Variants in SERPINA7 observed in about 807,000 individuals in gnomAD.
The protein encoded by SERPINA7 is thyroxine-binding globulin.
A neutral mutation model predicts 16.0 loss-of-function variants in SERPINA7; 14 were observed. The ratio of observed to expected loss-of-function variants is 0.88; its 90% CI spans 0.58 to 1.37. SERPINA7 has a LOEUF of 1.37. SERPINA7 is among the 40% of genes most tolerant of loss of function. SERPINA7 has a pLI of 0.00. For missense variants in SERPINA7, 335 were observed against 296.6 expected (o/e 1.13, Z -0.95); for synonymous variants, 140 against 111.0 (o/e 1.26, Z -1.65).
At chrX:106,037,291 C>A in intron 1 of SERPINA7, 1 of 396,407 alleles carries the variant, frequency 2.5e-6, no homozygotes. Context: ...CTTGCTGCAA[C>A]CACGGAAATA....
chrX:106,036,848 CA>C lies in SERPINA7; in HGVS notation c.210del (p.Val71Ter). The C allele has an allele frequency of 2.5e-6, 3 of 1,210,996 alleles. No homozygotes were observed. The highest frequency in any genetic ancestry group is 2.2e-6 in the Non-Finnish European group (2 of 895,231). ...ETPDKNIFFS[P>X]VSISAALVML... ...ATAACCAAAGCTGCAGAAATGCTCACAGGGGAAAAGAAGATGTTCTTATCTG... is the reference window on the plus strand; with the variant it reads ...ATAACCAAAGCTGCAGAAATGCTCACGGGGAAAAGAAGATGTTCTTATCTG... On this transcript the variant is annotated frameshift_variant, in exon 2 of 5. Coordinates refer to ENST00000372563, the MANE Select transcript of SERPINA7 (RefSeq NM_000354.6). LOFTEE classifies it high-confidence loss of function.
rs769618254 is a variant in SERPINA7, at chrX:106,036,723, G to T, written c.336C>A (p.Phe112Leu). Residue 112 changes from phenylalanine (F) to leucine (L), a missense_variant, in exon 2 of 5, where the codon TTC becomes TTA. Phe to Leu is a conservative substitution (Grantham distance 22). Coordinates refer to ENST00000372563, the MANE Select transcript of SERPINA7 (RefSeq NM_000354.6). ...AATTCAGTGAACAGATCAGATGCTG[G>T]AAGCCATGCTGGATCTCTACCATTG... ...DTPMVEIQHG[F>L]QHLICSLNFP... 2 of 1,209,124 alleles carry T rather than the reference G, an allele frequency of 1.7e-6. No homozygotes were observed. Among genetic ancestry groups the T allele is most frequent in the Admixed American group, 2.2e-5 (1 of 45,599 alleles).
At position 106,032,882 on chromosome X, in the gene SERPINA7, G is replaced by A. The variant is rs191649382; in HGVS notation, c.*618C>T. The A allele has an allele frequency of 1.9e-3, 222 of 114,366 alleles. No homozygotes were observed. Among genetic ancestry groups the A allele is most frequent in the African/African-American group, 6.8e-3 (209 of 30,643 alleles). The allele number at this position is 114,366 out of a possible 1,213,427, so 9.4% of individuals were successfully genotyped here. A position where few individuals can be genotyped will look rare whatever the true frequency, so the allele number is the denominator to read the frequency against. ...TTATACATTGGCAAGGTGGAAGTAT[G>A]TTTTCTTGGGGGGAAGGTGGGGTTG... On this transcript the variant is annotated 3_prime_UTR_variant, in exon 5 of 5. Coordinates refer to ENST00000372563, the MANE Select transcript of SERPINA7 (RefSeq NM_000354.6).
At chrX:106,033,913 A>G (rs1319741135) in intron 4 of SERPINA7, 1 of 739,550 alleles carries the variant, frequency 1.4e-6, no homozygotes. Context: ...CTCATTCACT[A>G]TGGCCTGCTG....
At position 106,033,278 on chromosome X, in the gene SERPINA7, C is replaced by G. The variant is rs2041421501; in HGVS notation, c.*222G>C. 1 of 429,690 alleles carries G rather than the reference C, an allele frequency of 2.3e-6. No homozygotes were observed. The highest frequency in any genetic ancestry group is 4.1e-6 in the Non-Finnish European group (1 of 245,259). The allele number at this position is 429,690 out of a possible 1,213,427, so 35.4% of individuals were successfully genotyped here. A position where few individuals can be genotyped will look rare whatever the true frequency, so the allele number is the denominator to read the frequency against. The stretch of plus-strand genomic sequence containing the variant: ...CAAAGAGAAATATACAAACATAGAG[C>G]CTTCCTATGCTTTGGATAATAATGA... On this transcript the variant is annotated 3_prime_UTR_variant, in exon 5 of 5. Transcript: ENST00000372563.
Sources: gnomAD v4.1 joint callset for allele counts on GRCh38, gnomAD v4.1.1 for gene constraint, MANE v1.5 for transcripts, NCBI Gene and HGNC (gene_info 2026-07-23, HGNC 2026-07-21) for gene names.